LRRC8D: variants seen among roughly 807,000 people sequenced by gnomAD.
LRRC8D encodes leucine rich repeat containing 8 VRAC subunit D.
In LRRC8D, 20 loss-of-function variants were observed where a neutral mutation model predicts 55.8. That is an observed-to-expected ratio of 0.36 (90% CI 0.25 to 0.52). The LOEUF (loss-of-function observed/expected upper bound fraction) is 0.52, where lower values mean the gene tolerates loss of function less well. LRRC8D is among the 20% of genes least tolerant of loss of function. The pLI, the probability that LRRC8D is intolerant of heterozygous loss-of-function variation, is 0.93. For synonymous variants in LRRC8D, 352 were observed against 377.0 expected, an observed-to-expected ratio of 0.93 and a Z score of 0.77; for missense variants, 651 against 1,030.8, an observed-to-expected ratio of 0.63 and a Z score of 5.05.
chr1:89,881,951 A>G (rs1416333428), intron 2 of LRRC8D, among the ~76,000 whole-genome samples: 1 of 152,172 alleles, frequency 6.6e-6, no homozygotes, highest in Non-Finnish European at 1.5e-5. Context: ...ATCTGGAAGC[A>G]GTTTATCCAT....
At chr1:89,888,424 A>G (rs1662479392) in intron 2 of LRRC8D, among the ~76,000 whole-genome samples, 1 of 152,186 alleles carries the variant, frequency 6.6e-6, no homozygotes. Flanking sequence ...TGAATTGGAG[A>G]TACCGATATG....
chr1:89,846,312 A>AT lies in LRRC8D; in HGVS notation c.-3+2547dup, dbSNP rs35802731. ...TCTGTTTACACAGTGTATATGATGT[A>AT]TTTTTTTTTTTTTTTTTACTCCTTT... On this transcript the variant is annotated intron_variant, in intron 2 of 2. Coordinates refer to ENST00000337338, the MANE Select transcript of LRRC8D (RefSeq NM_001134479.2). 4.1e-3 allele frequency among the ~76,000 whole-genome samples: 582 copies of AT among 141,008 alleles called. 5 individuals carry two copies. Among genetic ancestry groups the AT allele is most frequent in the African/African-American group, 9.9e-3 (377 of 37,966 alleles). The allele number at this position is 141,008 out of a possible 152,430, so 92.5% of individuals were successfully genotyped here.
chr1:89,826,498 C>T (rs1422068697), intron 1 of LRRC8D, among the ~76,000 whole-genome samples: 5 of 152,112 alleles, frequency 3.3e-5, no homozygotes, highest in African/African-American at 4.8e-5. Context: ...ATGATCCGCC[C>T]GCCTCGGCCT....
intron 2 of LRRC8D, among the ~76,000 whole-genome samples, chr1:89,908,029 T>A (rs897309679): frequency 3.9e-5 from 6 of 152,230 alleles, no homozygotes; most frequent in African/African-American, 1.4e-4. Flanking sequence ...TGTGAATTCA[T>A]GCAAATGAGT....
Position 89,883,221 on chromosome 1 carries a change from C to CGTGT in LRRC8D, c.-3+39456_-3+39459dup, listed in dbSNP as rs149154219. Among the ~76,000 whole-genome samples the CGTGT allele has an allele frequency of 8.9e-3, 1,331 of 149,032 alleles. 17 individuals carry two copies. Among genetic ancestry groups the CGTGT allele is most frequent in the African/African-American group, 0.031 (1,245 of 40,808 alleles). On this transcript the variant is annotated intron_variant, in intron 2 of 2. Coordinates refer to ENST00000337338, the MANE Select transcript of LRRC8D (RefSeq NM_001134479.2). ...CCATCCCTCAAAATACGTGTGTAGG[C>CGTGT]GTGTGTGTGTGTGTGTGTGTTAAGG...
intron 1 of LRRC8D, among the ~76,000 whole-genome samples, chr1:89,829,241 C>T (rs1233897536): frequency 1.3e-5 from 2 of 152,196 alleles, no homozygotes; most frequent in African/African-American, 4.8e-5. Context: ...ATGTATGGAA[C>T]ACCTAAAGTT....
intron 2 of LRRC8D, among the ~76,000 whole-genome samples, chr1:89,873,365 C>T (rs756059727): frequency 1.3e-5 from 2 of 152,072 alleles, no homozygotes; most frequent in Non-Finnish European, 2.9e-5. Flanking sequence ...TTAGGTTCTC[C>T]TTGTATTTTT....
chr1:89,915,527 TATG>T (rs1324610237), intron 2 of LRRC8D, among the ~76,000 whole-genome samples: 2 of 152,246 alleles, frequency 1.3e-5, no homozygotes, highest in Non-Finnish European at 2.9e-5. Context: ...GTAACCAATG[TATG>T]ATATTTTAGG....
chr1:89,891,834 GCA>G (rs1662586414), intron 2 of LRRC8D, among the ~76,000 whole-genome samples: 1 of 152,106 alleles, frequency 6.6e-6, no homozygotes, highest in Non-Finnish European at 1.5e-5. Context: ...ATTTCCTGGA[GCA>G]CCCTCTCCAG....
In LRRC8D at chr1:89,934,852, TGA is replaced by T. The variant is rs1663797722; in HGVS notation, c.1785_1786del (p.Lys596GlufsTer24). On this transcript the variant is annotated frameshift_variant, in exon 3 of 3. Coordinates refer to ENST00000337338, the MANE Select transcript of LRRC8D (RefSeq NM_001134479.2). LOFTEE classifies it high-confidence loss of function. This position sits in a 1 kb window ranked among gnomAD's most constrained non-coding sequence, Gnocchi z 5.9. ...TTGCGGCACCTTAAGATTCTCCACG[TGA>T]AGAGCAATTTGACCAAAGTTCCCTC... 6.2e-7 allele frequency: 1 copy of T among 1,614,034 alleles called. No homozygotes were observed. The highest frequency in any genetic ancestry group is 8.5e-7 in the Non-Finnish European group (1 of 1,180,034).
chr1:89,873,563 A>G (rs1662075096), intron 2 of LRRC8D, among the ~76,000 whole-genome samples: 1 of 152,224 alleles, frequency 6.6e-6, no homozygotes, highest in Non-Finnish European at 1.5e-5. Context: ...TAGGTTCCAG[A>G]TAAACAATGG....
intron 2 of LRRC8D, among the ~76,000 whole-genome samples, chr1:89,868,845 G>A (rs761913021): frequency 1.2e-4 from 19 of 152,112 alleles, no homozygotes; most frequent in Non-Finnish European, 2.4e-4. Flanking sequence ...TGCAGTAATT[G>A]GGAGGATATA....
At chr1:89,904,937 G>C (rs1175467529) in intron 2 of LRRC8D, among the ~76,000 whole-genome samples, 4 of 148,318 alleles carry the variant, frequency 2.7e-5, no homozygotes, top group Non-Finnish European at 6.1e-5. Context: ...TGCTGTTATA[G>C]TTCTATGCAC....
At chr1:89,883,268 T>C (rs932230555) in intron 2 of LRRC8D, among the ~76,000 whole-genome samples, 13 of 152,080 alleles carry the variant, frequency 8.5e-5, no homozygotes, top group Admixed American at 8.5e-4. Context: ...CAGAAACTTA[T>C]TTCAGAGGGT....
intron 2 of LRRC8D, among the ~76,000 whole-genome samples, chr1:89,899,634 T>C (rs1411694935): frequency 6.6e-6 from 1 of 152,258 alleles, no homozygotes; most frequent in Non-Finnish European, 1.5e-5. Context: ...GAAAATTTTG[T>C]GCATCTGTTC....
intron 2 of LRRC8D, among the ~76,000 whole-genome samples, chr1:89,932,801 C>T (rs1254451175): frequency 6.6e-6 from 1 of 152,196 alleles, no homozygotes; most frequent in Non-Finnish European, 1.5e-5. Context: ...CTTCAAGGTC[C>T]ACTAAGTAAC....
At position 89,933,287 on chromosome 1, in the gene LRRC8D, C is replaced by A; in HGVS notation, c.219C>A (p.Ala73=). 1.2e-6 allele frequency: 2 copies of A among 1,614,090 alleles called. No individual in the cohort carries two copies. Among genetic ancestry groups the A allele is most frequent in the South Asian group, 2.2e-5 (2 of 91,070 alleles). The change falls in exon 3 of 3, where the codon GCC becomes GCA. Residue 73 remains alanine, a synonymous_variant. Coordinates refer to ENST00000337338, the MANE Select transcript of LRRC8D (RefSeq NM_001134479.2). The surrounding 1 kb of genome is among the most constrained non-coding windows in gnomAD (Gnocchi z 7.0). ...AGGCACATACACCACCAGGAAATGCCGAGGTCACCACCAACATCCCAAAGA... is the reference window on the plus strand; with the variant it reads ...AGGCACATACACCACCAGGAAATGCAGAGGTCACCACCAACATCCCAAAGA... The part of the protein sequence containing the change: ...NSKAHTPPGN[A]EVTTNIPKME...
intron 2 of LRRC8D, among the ~76,000 whole-genome samples, chr1:89,877,331 C>T (rs1662172179): frequency 6.6e-6 from 1 of 152,090 alleles, no homozygotes; most frequent in Non-Finnish European, 1.5e-5. Flanking sequence ...CTTAGCTTCT[C>T]TCTGCCTCAA....
chr1:89,829,078 GAAATACTA>G (rs1660828748), intron 1 of LRRC8D, among the ~76,000 whole-genome samples: 1 of 152,132 alleles, frequency 6.6e-6, no homozygotes, highest in Non-Finnish European at 1.5e-5. Flanking sequence ...CCAATTTTAA[GAAATACTA>G]GAAAATTAAA....
Sources: allele counts gnomAD v4.1 joint callset (sites outside exome capture counted in the v4.1 genomes callset), GRCh38; gene constraint gnomAD v4.1.1; non-coding constraint Gnocchi (gnomAD v3.1); transcripts MANE v1.5; gene names NCBI Gene and HGNC (gene_info 2026-07-23, HGNC 2026-07-21).